The following SGCD variants were observed in gnomAD, a reference collection of about 807,000 sequenced individuals.
The protein encoded by SGCD is delta-sarcoglycan.
A neutral mutation model predicts 36.6 loss-of-function variants in SGCD; 18 were observed. The observed-to-expected ratio is 0.49, with a 90% CI of 0.34 to 0.73. The LOEUF (loss-of-function observed/expected upper bound fraction) is 0.73, where lower values mean the gene tolerates loss of function less well. Among genes scored for constraint, SGCD ranks in the 30% least tolerant of loss-of-function variants. The pLI, the probability that SGCD is intolerant of heterozygous loss-of-function variation, is 0.01. For synonymous variants in SGCD, 133 were observed against 130.6 expected, an observed-to-expected ratio of 1.02 and a Z score of -0.12; for missense variants, 387 against 346.7, an observed-to-expected ratio of 1.12 and a Z score of -0.92.
chr5:156,148,850 T>A (rs1762768612), intron 3 of SGCD, among the ~76,000 whole-genome samples: 1 of 152,176 alleles, frequency 6.6e-6, no homozygotes, highest in Non-Finnish European at 1.5e-5. Context: ...TGGAAAGTTT[T>A]CTCTAGAGCC....
chr5:156,056,652 A>AC (rs1311948208), intron 1 of SGCD, among the ~76,000 whole-genome samples: 2,809 of 137,574 alleles, frequency 0.02, 320 homozygotes, highest in African/African-American at 0.074. Context: ...CCTTAAAAAA[A>AC]AAAAAAAAAA....
At chr5:156,710,216 G>A (rs17052757) in intron 7 of SGCD, among the ~76,000 whole-genome samples, 1,645 of 152,212 alleles carry the variant, frequency 0.011, 41 homozygotes, top group African/African-American at 0.037. Flanking sequence ...TGGAGAAGAG[G>A]TGCTCAGTAA....
intron 6 of SGCD, among the ~76,000 whole-genome samples, chr5:156,623,568 A>G (rs969159478): frequency 3.9e-5 from 6 of 152,242 alleles, no homozygotes; most frequent in African/African-American, 1.4e-4. Flanking sequence ...AGCATATCCA[A>G]TGAGTTCTGA....
chr5:156,215,134 T>G (rs950168046), intron 3 of SGCD, among the ~76,000 whole-genome samples: 2 of 152,220 alleles, frequency 1.3e-5, no homozygotes, highest in African/African-American at 4.8e-5. Context: ...GATGCTCAAC[T>G]GTTAAATCTA....
chr5:156,373,149 G>A (rs186730008), intron 3 of SGCD, among the ~76,000 whole-genome samples: 11 of 152,262 alleles, frequency 7.2e-5, no homozygotes, highest in African/African-American at 1.9e-4. Flanking sequence ...ATTTGTGCTC[G>A]TGTTAGCATT....
At chr5:156,266,414 G>T (rs1766001157) in intron 3 of SGCD, among the ~76,000 whole-genome samples, 1 of 152,132 alleles carries the variant, frequency 6.6e-6, no homozygotes, top group Non-Finnish European at 1.5e-5. Flanking sequence ...TCAATATAAG[G>T]TTCAAAACCA....
At chr5:156,339,562 C>T (rs1004398494) in intron 2 of SGCD, among the ~76,000 whole-genome samples, 11 of 152,116 alleles carry the variant, frequency 7.2e-5, no homozygotes, top group African/African-American at 2.2e-4. Context: ...CTAAAAAATG[C>T]ATTTGCTTTA....
intron 3 of SGCD, among the ~76,000 whole-genome samples, chr5:156,186,145 C>G (rs528082262): frequency 6.6e-6 from 1 of 151,264 alleles, no homozygotes; most frequent in African/African-American, 2.4e-5. Flanking sequence ...TTACAAAAAC[C>G]TGTTGAACCC....
chr5:156,027,877 G>A (rs1176704163), intron 1 of SGCD, among the ~76,000 whole-genome samples: 1 of 152,178 alleles, frequency 6.6e-6, no homozygotes, highest in Non-Finnish European at 1.5e-5. Context: ...TGAGTGCCTG[G>A]TCTTTGCTTC....
intron 7 of SGCD, among the ~76,000 whole-genome samples, chr5:156,681,543 T>C (rs1368772407): frequency 2.0e-5 from 3 of 152,174 alleles, no homozygotes; most frequent in Admixed American, 6.5e-5. Flanking sequence ...GTTCCAGGCT[T>C]AAGGGTGGAG....
intron 1 of SGCD, among the ~76,000 whole-genome samples, chr5:156,106,839 A>T (rs1201135642): frequency 6.6e-6 from 1 of 152,168 alleles, no homozygotes; most frequent in Non-Finnish European, 1.5e-5. Flanking sequence ...ACACTTTGAC[A>T]TTTATCTTTA....
rs115304096 is a variant in SGCD at position 156,058,410 on chromosome 5, T to C, written c.-281-59468T>C. 6.4e-3 allele frequency among the ~76,000 whole-genome samples: 943 copies of C among 146,460 alleles called. 63 individuals carry two copies. The highest frequency in any genetic ancestry group is 0.021 in the African/African-American group (869 of 40,812). ...CCAATGATCCTTAAACTTTATTTAATGTGCATGTGAATCATCTGGGATCTT... is the reference window on the plus strand; with the variant it reads ...CCAATGATCCTTAAACTTTATTTAACGTGCATGTGAATCATCTGGGATCTT... On this transcript the variant is annotated intron_variant, in intron 1 of 9. Transcript: ENST00000517913.
intron 4 of SGCD, among the ~76,000 whole-genome samples, chr5:156,570,539 A>T (rs978329699): frequency 6.6e-6 from 1 of 152,158 alleles, no homozygotes; most frequent in African/African-American, 2.4e-5. Flanking sequence ...GCTTCCAGTC[A>T]TATTTTGTTG....
rs186342973 is a variant in SGCD, at chr5:156,444,900, T to C, written c.193-63701T>C. Among the ~76,000 whole-genome samples the C allele has an allele frequency of 3.3e-5, 5 of 152,332 alleles. No homozygotes were observed. In the East Asian group the frequency reaches 9.6e-4, roughly 29 times the overall value. ...TAATAAAGACACTAAATGGGATAGA[T>C]GGGGCTAAGTAGTTTTACAGATGGT... On this transcript the variant is annotated intron_variant, in intron 3 of 8. Coordinates refer to ENST00000337851, the MANE Select transcript of SGCD (RefSeq NM_000337.6).
intron 3 of SGCD, among the ~76,000 whole-genome samples, chr5:156,502,086 G>A (rs1756481917): frequency 7.6e-6 from 1 of 131,466 alleles, no homozygotes; most frequent in Non-Finnish European, 1.6e-5. Flanking sequence ...TTGCTCTGTT[G>A]CCCAGGCTGG....
chr5:156,194,570 A>C (rs1162790112), intron 3 of SGCD, among the ~76,000 whole-genome samples: 3 of 152,154 alleles, frequency 2.0e-5, no homozygotes, highest in Non-Finnish European at 4.4e-5. Context: ...TATTTTGCAT[A>C]GATAAGCTAC....
chr5:156,479,294 A>G (rs529552345), intron 3 of SGCD, among the ~76,000 whole-genome samples: 39 of 151,458 alleles, frequency 2.6e-4, no homozygotes, highest in African/African-American at 8.0e-4. Flanking sequence ...CGGGGTTTCA[A>G]CATGTTGGCC....
At chr5:156,507,408 G>C (rs552525701) in intron 3 of SGCD, among the ~76,000 whole-genome samples, 1 of 152,320 alleles carries the variant, frequency 6.6e-6, no homozygotes, top group Non-Finnish European at 1.5e-5. Context: ...AAAGGACATA[G>C]CCCTTCTGAC....
chr5:156,284,575 A>G (rs1262218347), intron 3 of SGCD, among the ~76,000 whole-genome samples: 1 of 152,114 alleles, frequency 6.6e-6, no homozygotes, highest in East Asian at 1.9e-4. Context: ...CAAAAACCAT[A>G]TCATTATCTC....
Sources: allele counts gnomAD v4.1 joint callset (sites outside exome capture counted in the v4.1 genomes callset), GRCh38; gene constraint gnomAD v4.1.1; transcripts MANE v1.5; gene names NCBI Gene and HGNC (gene_info 2026-07-23, HGNC 2026-07-21).